CFAP210: variants seen among roughly 807,000 people sequenced by gnomAD.
CFAP210 encodes the protein cilia- and flagella- associated protein 210.
the CFAP210 span, among the ~76,000 whole-genome samples, chr2:169,651,482 C>T: frequency 6.6e-6 from 1 of 151,950 alleles, no homozygotes; most frequent in Middle Eastern, 3.2e-3. Flanking sequence ...GCAACCTCCA[C>T]CTCCTGGGTT....
the CFAP210 span, chr2:169,654,192 A>C: frequency 6.3e-7 from 1 of 1,589,520 alleles, no homozygotes; most frequent in South Asian, 1.1e-5. Flanking sequence ...AGCTTTGATA[A>C]TATGTTTATC....
chr2:169,645,660 TA>T, the CFAP210 span: 2 of 559,508 alleles, frequency 3.6e-6, no homozygotes, highest in Non-Finnish European at 3.1e-6. Flanking sequence ...TTACCACAGT[TA>T]AAAAAAGGAA....
chr2:169,650,381 T>C, the CFAP210 span: 1 of 1,605,368 alleles, frequency 6.2e-7, no homozygotes, highest in Non-Finnish European at 8.5e-7. Flanking sequence ...GTTTTTTTCA[T>C]CTTTTTCTCT....
the CFAP210 span, among the ~76,000 whole-genome samples, chr2:169,667,090 TA>T: frequency 6.6e-6 from 1 of 152,142 alleles, no homozygotes; most frequent in East Asian, 1.9e-4. Context: ...TCCAAACTCT[TA>T]TTAATGTTGA....
At chr2:169,674,758 A>G in the CFAP210 span, 3 of 1,571,554 alleles carry the variant, frequency 1.9e-6, no homozygotes, top group African/African-American at 2.8e-5. Context: ...CTCTACTAAG[A>G]AGAAGTCCCG....
the CFAP210 span, among the ~76,000 whole-genome samples, chr2:169,667,674 T>C: frequency 6.6e-6 from 1 of 152,242 alleles, no homozygotes; most frequent in East Asian, 1.9e-4. Context: ...CCATCAGAAC[T>C]TATTACTGCT....
At chr2:169,646,022 A>G in the CFAP210 span, 46 of 1,613,850 alleles carry the variant, frequency 2.9e-5, no homozygotes, top group Non-Finnish European at 3.6e-5. Flanking sequence ...AGCTTTTACA[A>G]GAGGGTAAAT....
At chr2:169,659,586 T>C in the CFAP210 span, among the ~76,000 whole-genome samples, 15 of 152,132 alleles carry the variant, frequency 9.9e-5, no homozygotes, top group Admixed American at 9.8e-4. Flanking sequence ...CCCCCGATGA[T>C]CTAATCACTT....
At chr2:169,650,925 C>T in the CFAP210 span, among the ~76,000 whole-genome samples, 5 of 151,742 alleles carry the variant, frequency 3.3e-5, no homozygotes, top group African/African-American at 1.2e-4. Flanking sequence ...GATGGCAAGA[C>T]CCCATCTCCA....
At chr2:169,687,561 C>T in the CFAP210 span, among the ~76,000 whole-genome samples, 1 of 152,192 alleles carries the variant, frequency 6.6e-6, no homozygotes, top group Non-Finnish European at 1.5e-5. Context: ...CTCTAGGTCT[C>T]ACATTCAGGT....
the CFAP210 span, among the ~76,000 whole-genome samples, chr2:169,683,142 G>A: frequency 6.6e-6 from 1 of 152,098 alleles, no homozygotes; most frequent in Non-Finnish European, 1.5e-5. Flanking sequence ...CTAAACTAAA[G>A]TGTGAGTTTA....
chr2:169,647,211 A>T, the CFAP210 span, among the ~76,000 whole-genome samples: 1 of 152,088 alleles, frequency 6.6e-6, no homozygotes, highest in African/African-American at 2.4e-5. Flanking sequence ...GCTAAAATCG[A>T]TCTCTAATCG....
the CFAP210 span, chr2:169,653,966 C>G: frequency 1.7e-6 from 2 of 1,175,010 alleles, no homozygotes; most frequent in Non-Finnish European, 2.3e-6. Context: ...ACTGAATGCT[C>G]TAGTCATATA....
the CFAP210 span, chr2:169,674,559 A>G: frequency 6.5e-7 from 1 of 1,537,888 alleles, no homozygotes; most frequent in African/African-American, 1.4e-5. Context: ...ACAAAAAGGT[A>G]TTTTATGTAT....
At chr2:169,665,246 TTC>T in the CFAP210 span, among the ~76,000 whole-genome samples, 2 of 152,194 alleles carry the variant, frequency 1.3e-5, no homozygotes, top group South Asian at 4.1e-4. Flanking sequence ...CCAAACTGAG[TTC>T]TCTCTCTCTA....
the CFAP210 span, among the ~76,000 whole-genome samples, chr2:169,687,764 C>T: frequency 1.3e-5 from 2 of 152,228 alleles, no homozygotes; most frequent in African/African-American, 4.8e-5. Flanking sequence ...CTTCTCACAG[C>T]TCCACTAGAT....
At chr2:169,645,896 TGA>T in the CFAP210 span, 1 of 1,613,716 alleles carries the variant, frequency 6.2e-7, no homozygotes, top group African/African-American at 1.3e-5. Context: ...TTTTGGTCCC[TGA>T]GAGTTATAAA....
the CFAP210 span, chr2:169,649,251 A>G: frequency 1.9e-6 from 3 of 1,613,708 alleles, no homozygotes; most frequent in South Asian, 1.1e-5. Context: ...TCTCCTTTTC[A>G]TGTTCCCAGA....
the CFAP210 span, among the ~76,000 whole-genome samples, chr2:169,682,465 T>C: frequency 6.7e-6 from 1 of 149,950 alleles, no homozygotes. Flanking sequence ...AAATTGGTAC[T>C]CTGTTGTTGC....
Sources: gnomAD v4.1 joint callset for allele counts (sites outside exome capture counted in the v4.1 genomes callset) on GRCh38, gnomAD v4.1.1 for gene constraint, MANE v1.5 for transcripts, NCBI Gene and HGNC (gene_info 2026-07-23, HGNC 2026-07-21) for gene names.